CNTNAP5: variants seen among roughly 807,000 people sequenced by gnomAD.
The protein encoded by CNTNAP5 is contactin associated protein family member 5.
A neutral mutation model predicts 150.2 loss-of-function variants in CNTNAP5; 72 were observed. That is an observed-to-expected ratio of 0.48 (90% CI 0.40 to 0.58). The LOEUF (loss-of-function observed/expected upper bound fraction) is 0.58, where lower values mean the gene tolerates loss of function less well. CNTNAP5 is among the 20% of genes least tolerant of loss of function. The pLI is 0.00. For missense variants in CNTNAP5, 1,636 were observed against 1,626.2 expected (o/e 1.01, Z -0.10); for synonymous variants, 672 against 619.8 (o/e 1.08, Z -1.25).
chr2:124,828,735 C>CAA lies in CNTNAP5; in HGVS notation c.3217+30451_3217+30452dup, dbSNP rs60339676. Among the ~76,000 whole-genome samples the CAA allele has an allele frequency of 2.8e-3, 64 of 23,108 alleles. 16 individuals carry two copies. The highest frequency in any genetic ancestry group is 0.019 in the East Asian group (13 of 686). 15.2% of individuals were successfully genotyped at this position (23,108 alleles called of 152,430 possible). ...CCTTGCAGACCAATGCAAGTGTTGG[C>CAA]AAAAAAAAAAAAAAAAAAAAAAAAA... On this transcript the variant is annotated intron_variant, in intron 19 of 23. Coordinates refer to ENST00000682447, the MANE Select transcript of CNTNAP5 (RefSeq NM_001367498.1).
chr2:124,675,644 T>G (rs527368979), intron 13 of CNTNAP5, among the ~76,000 whole-genome samples: 10 of 152,256 alleles, frequency 6.6e-5, no homozygotes, highest in African/African-American at 2.2e-4. Context: ...TATTTCTTCT[T>G]TCCTCCATTC....
At chr2:124,182,803 C>G (rs766200211) in intron 1 of CNTNAP5, among the ~76,000 whole-genome samples, 2 of 152,138 alleles carry the variant, frequency 1.3e-5, no homozygotes, top group African/African-American at 4.8e-5. Flanking sequence ...GTCTTTAGTA[C>G]CCATGAAGCT....
At chr2:124,715,288 T>A (rs552180492) in intron 13 of CNTNAP5, among the ~76,000 whole-genome samples, 30 of 152,302 alleles carry the variant, frequency 2.0e-4, no homozygotes, top group African/African-American at 6.7e-4. Context: ...GACATTTAGA[T>A]CTTGTTACTT....
rs576536938 is a variant in CNTNAP5, at chr2:124,262,651, G to GT, written c.381+20271dup. On this transcript the variant is annotated intron_variant, in intron 3 of 23. Transcript: ENST00000682447. ...AATAGAATTTTTCCAACAGCATTCT[G>GT]TTTTTTTTTTTTTAATACTTTAAGT... Among the ~76,000 whole-genome samples, 908 of 141,662 alleles carry GT rather than the reference G, an allele frequency of 6.4e-3. 3 individuals carry two copies. Among genetic ancestry groups the GT allele is most frequent in the East Asian group, 0.018 (88 of 4,840 alleles). 92.9% of individuals were successfully genotyped at this position (141,662 alleles called of 152,430 possible).
At position 124,240,841 on chromosome 2, in the gene CNTNAP5, G is replaced by C. The variant is rs139169533; in HGVS notation, c.188-1359G>C. 1.7e-3 allele frequency among the ~76,000 whole-genome samples: 253 copies of C among 152,232 alleles called. 1 individual carries two copies. The highest frequency in any genetic ancestry group is 5.9e-3 in the African/African-American group (245 of 41,558). On this transcript the variant is annotated intron_variant, in intron 2 of 23. Coordinates refer to ENST00000682447, the MANE Select transcript of CNTNAP5 (RefSeq NM_001367498.1). The stretch of plus-strand genomic sequence containing the variant: ...ATCACTCTGTCTGCATTGCAGTCCT[G>C]TACTATGAGAGACTCTGCAGGAGGA...
At chr2:124,845,438 ATTT>A (rs201596844) in intron 19 of CNTNAP5, among the ~76,000 whole-genome samples, 3 of 131,298 alleles carry the variant, frequency 2.3e-5, no homozygotes, top group African/African-American at 5.4e-5. Flanking sequence ...GGTCTGTAGT[ATTT>A]TTTTTTTTTT....
chr2:124,079,316 C>A (rs1488314004), intron 1 of CNTNAP5, among the ~76,000 whole-genome samples: 1 of 152,202 alleles, frequency 6.6e-6, no homozygotes, highest in African/African-American at 2.4e-5. Flanking sequence ...TCCCATCACA[C>A]CACGCCTCCT....
At chr2:124,639,759 A>G (rs915428769) in intron 12 of CNTNAP5, among the ~76,000 whole-genome samples, 1 of 152,186 alleles carries the variant, frequency 6.6e-6, no homozygotes. Context: ...TTCTATGACC[A>G]TGATACTCCT....
intron 3 of CNTNAP5, among the ~76,000 whole-genome samples, chr2:124,253,933 A>T (rs956429984): frequency 6.6e-6 from 1 of 151,908 alleles, no homozygotes; most frequent in Admixed American, 6.6e-5. Context: ...ATTCAAGTGT[A>T]TTTAATAACA....
intron 22 of CNTNAP5, among the ~76,000 whole-genome samples, chr2:124,908,993 T>A (rs1678598885): frequency 6.6e-6 from 1 of 152,036 alleles, no homozygotes; most frequent in African/African-American, 2.4e-5. Context: ...AATAAAAAGT[T>A]CACAAAGTAA....
chr2:124,148,502 G>GTT (rs1684312724), intron 1 of CNTNAP5, among the ~76,000 whole-genome samples: 1 of 139,390 alleles, frequency 7.2e-6, no homozygotes, highest in Admixed American at 7.4e-5. Context: ...TGGAGAGAGA[G>GTT]GTATATATAT....
chr2:124,749,129 G>C (rs997854281), intron 14 of CNTNAP5, among the ~76,000 whole-genome samples: 5 of 152,164 alleles, frequency 3.3e-5, no homozygotes, highest in African/African-American at 1.2e-4. Flanking sequence ...AGCTTGGGAG[G>C]TGTGTTGAAG....
intron 6 of CNTNAP5, among the ~76,000 whole-genome samples, chr2:124,448,601 T>G (rs903180868): frequency 6.6e-6 from 1 of 152,208 alleles, no homozygotes; most frequent in Admixed American, 6.5e-5. Context: ...TTGTGCATTG[T>G]CTAGACCAGG....
At chr2:124,378,964 T>TA (rs1690721762) in intron 3 of CNTNAP5, among the ~76,000 whole-genome samples, 2 of 152,186 alleles carry the variant, frequency 1.3e-5, no homozygotes, top group South Asian at 4.1e-4. Flanking sequence ...TGGCTACTGC[T>TA]ATCTTTTTTT....
intron 1 of CNTNAP5, among the ~76,000 whole-genome samples, chr2:124,084,050 G>C (rs1370637603): frequency 1.8e-4 from 1 of 5,674 alleles, no homozygotes; most frequent in Non-Finnish European, 5.6e-3. Context: ...ATAGATGTTT[G>C]GCTTTTTATC....
intron 17 of CNTNAP5, among the ~76,000 whole-genome samples, chr2:124,780,893 C>T (rs879711627): frequency 6.6e-6 from 1 of 152,224 alleles, no homozygotes; most frequent in Non-Finnish European, 1.5e-5. Context: ...AAAAGCCAGA[C>T]TATATGATTG....
intron 5 of CNTNAP5, among the ~76,000 whole-genome samples, chr2:124,439,324 G>T (rs1692617570): frequency 6.6e-6 from 1 of 152,120 alleles, no homozygotes; most frequent in African/African-American, 2.4e-5. Flanking sequence ...CTGCACTGGG[G>T]GTTAAAAGTT....
intron 1 of CNTNAP5, among the ~76,000 whole-genome samples, chr2:124,077,435 T>G (rs1448902205): frequency 2.6e-5 from 4 of 152,194 alleles, no homozygotes; most frequent in Middle Eastern, 3.2e-3. Context: ...TTCTGACATT[T>G]GTGTTGTCAC....
chr2:124,344,338 C>T (rs1284502402), intron 3 of CNTNAP5, among the ~76,000 whole-genome samples: 1 of 152,010 alleles, frequency 6.6e-6, no homozygotes, highest in Non-Finnish European at 1.5e-5. Context: ...CAAGTTTCTT[C>T]CAGTTGTGAG....
Sources: gnomAD v4.1 joint callset for allele counts (sites outside exome capture counted in the v4.1 genomes callset) on GRCh38, gnomAD v4.1.1 for gene constraint, MANE v1.5 for transcripts, NCBI Gene and HGNC (gene_info 2026-07-23, HGNC 2026-07-21) for gene names.